Variants in BEND2 observed in about 807,000 individuals in gnomAD.
The protein encoded by BEND2 is BEN domain containing 2.
BEND2 carries 19 observed loss-of-function variants against 43.8 expected under a neutral mutation model. The ratio of observed to expected loss-of-function variants is 0.43; its 90% CI spans 0.30 to 0.64. The LOEUF (loss-of-function observed/expected upper bound fraction) is 0.64, where lower values mean the gene tolerates loss of function less well. BEND2 is among the 30% of genes least tolerant of loss of function. The pLI is 0.11. For missense variants in BEND2, 544 were observed against 574.0 expected, an observed-to-expected ratio of 0.95 and a Z score of 0.53; for synonymous variants, 226 against 210.1, an observed-to-expected ratio of 1.08 and a Z score of -0.66.
At position 18,220,526 on chromosome X, in the gene BEND2, C is replaced by T. The variant is rs756582291; in HGVS notation, c.25+200G>A. 3.7e-4 allele frequency among the ~76,000 whole-genome samples: 41 copies of T among 111,851 alleles called. 1 individual carries two copies. The highest frequency in any genetic ancestry group is 2.8e-4 in the Admixed American group (3 of 10,628). ...GACCTGAACCCTGGGCCATCTCGGT[C>T]CACCACGCCAAATTTCCCACCGGCG... On this transcript the variant is annotated intron_variant, in intron 1 of 13. Coordinates refer to ENST00000380033, the MANE Select transcript of BEND2 (RefSeq NM_153346.5).
rs1001506751 is a variant in BEND2 at position 18,163,616 on chromosome X, T to A, written c.*1393A>T. 2 of 112,249 alleles carry A rather than the reference T, an allele frequency of 1.8e-5. No individual in the cohort carries two copies. Among genetic ancestry groups the A allele is most frequent in the Non-Finnish European group, 3.8e-5 (2 of 53,283 alleles). The allele number at this position is 112,249 out of a possible 1,213,427, so 9.3% of individuals were successfully genotyped here. Reference sequence around the variant, plus strand: ...AAGTTAGCAATAGAAGTCTTGAAATTTTTTTCTAAATGTAAAGTTTTGTTT... The same window carrying A: ...AAGTTAGCAATAGAAGTCTTGAAATATTTTTCTAAATGTAAAGTTTTGTTT... On this transcript the variant is annotated 3_prime_UTR_variant, in exon 14 of 14. Coordinates refer to ENST00000380033, the MANE Select transcript of BEND2 (RefSeq NM_153346.5).
rs1168193461 is a variant in BEND2, at chrX:18,163,610, T to G, written c.*1399A>C. On this transcript the variant is annotated 3_prime_UTR_variant, in exon 14 of 14. Coordinates refer to ENST00000380033, the MANE Select transcript of BEND2 (RefSeq NM_153346.5). ...GTAATAAAGTTAGCAATAGAAGTCT[T>G]GAAATTTTTTTCTAAATGTAAAGTT... The G allele has an allele frequency of 8.9e-6, 1 of 112,315 alleles. No individual in the cohort carries two copies. Among genetic ancestry groups the G allele is most frequent in the East Asian group, 2.8e-4 (1 of 3,598 alleles). The allele number at this position is 112,315 out of a possible 1,213,427, so 9.3% of individuals were successfully genotyped here.
rs146584565 is a variant in BEND2 at position 18,196,479 on chromosome X, T to C, written c.1034-1037A>G. Among the ~76,000 whole-genome samples, 1,033 of 110,334 alleles carry C rather than the reference T, an allele frequency of 9.4e-3. 14 individuals carry two copies. Among genetic ancestry groups the C allele is most frequent in the African/African-American group, 0.031 (952 of 30,395 alleles). Reference sequence around the variant, plus strand: ...GCTCTTGACATTCATGACAGACAAATGAAAACTTATATTTATCCAAAAACC... The same window carrying C: ...GCTCTTGACATTCATGACAGACAAACGAAAACTTATATTTATCCAAAAACC... On this transcript the variant is annotated intron_variant, in intron 6 of 13. Coordinates refer to ENST00000380033, the MANE Select transcript of BEND2 (RefSeq NM_153346.5).
rs139742941 is a variant in BEND2 at position 18,175,511 on chromosome X, G to A, written c.1752+461C>T. Among the ~76,000 whole-genome samples, 520 of 111,917 alleles carry A rather than the reference G, an allele frequency of 4.6e-3. 6 individuals carry two copies. Among genetic ancestry groups the A allele is most frequent in the African/African-American group, 0.015 (463 of 30,842 alleles). ...TATGGAGTGTAAAATATCTGTAATC[G>A]TTTAACGTCATGACATGAGTTTATT... On this transcript the variant is annotated intron_variant, in intron 11 of 13. Transcript: ENST00000380033.
chrX:18,210,490 T>C (rs755867268), intron 4 of BEND2, among the ~76,000 whole-genome samples: 15 of 112,221 alleles, frequency 1.3e-4, no homozygotes, highest in Non-Finnish European at 2.4e-4. Context: ...GGAAAAGATA[T>C]ATTTGCAGAA....
chrX:18,217,045 A>G (rs777840792), intron 1 of BEND2, among the ~76,000 whole-genome samples: 3 of 112,853 alleles, frequency 2.7e-5, no homozygotes, highest in Non-Finnish European at 5.6e-5. Flanking sequence ...ACAGTGTTCA[A>G]TGATATGCTT....
At chrX:18,179,464 G>A (rs895219968) in intron 9 of BEND2, among the ~76,000 whole-genome samples, 11 of 110,507 alleles carry the variant, frequency 1.0e-4, no homozygotes, top group African/African-American at 2.0e-4. Context: ...GTGCCCAGCC[G>A]AGACCACAAT....
intron 4 of BEND2, among the ~76,000 whole-genome samples, chrX:18,209,071 T>A: frequency 8.9e-6 from 1 of 111,763 alleles, no homozygotes; most frequent in Non-Finnish European, 1.9e-5. Flanking sequence ...GGGAATCAAC[T>A]GAAGGAGCTC....
chrX:18,176,136 T>G (rs746045492), intron 10 of BEND2, 43 bp from the exon 11 acceptor site: 33 of 1,145,222 alleles, frequency 2.9e-5, no homozygotes, highest in Non-Finnish European at 2.3e-5. Context: ...GAAAAAAAAA[T>G]TAACAAACTA....
At chrX:18,179,732 A>C (rs752834411) in intron 9 of BEND2, among the ~76,000 whole-genome samples, 1 of 112,393 alleles carries the variant, frequency 8.9e-6, no homozygotes, top group Non-Finnish European at 1.9e-5. Flanking sequence ...TTGTTCTAGG[A>C]TATTAATAAG....
At chrX:18,212,933 A>G (rs1340128472) in intron 3 of BEND2, among the ~76,000 whole-genome samples, 1 of 112,446 alleles carries the variant, frequency 8.9e-6, no homozygotes, top group African/African-American at 3.2e-5. Context: ...AATAACTTAA[A>G]GCCTACATAG....
chrX:18,209,332 T>C (rs1925436741), intron 4 of BEND2, among the ~76,000 whole-genome samples: 1 of 111,444 alleles, frequency 9.0e-6, no homozygotes, highest in Non-Finnish European at 1.9e-5. Flanking sequence ...GTAAAATCCA[T>C]GCATGGATAC....
chrX:18,184,171 T>C (rs898204087), intron 8 of BEND2, among the ~76,000 whole-genome samples: 13 of 111,196 alleles, frequency 1.2e-4, no homozygotes, highest in Admixed American at 1.1e-3. Context: ...AGACAGAGAC[T>C]CCTTTGTTTG....
chrX:18,200,141 C>T (rs1317425330), intron 6 of BEND2, among the ~76,000 whole-genome samples: 1 of 111,762 alleles, frequency 8.9e-6, no homozygotes, highest in Non-Finnish European at 1.9e-5. Flanking sequence ...CAATTTGATG[C>T]CTTTTCAATG....
In BEND2 at chrX:18,164,899, A is replaced by G; in HGVS notation, c.*110T>C. The stretch of plus-strand genomic sequence containing the variant: ...AGGTTTGGCGATTACTACAGGTGTC[A>G]ATGCAAACTACTCTGCCAGTACAGC... On this transcript the variant is annotated 3_prime_UTR_variant, in exon 14 of 14. Transcript: ENST00000380033. The G allele has an allele frequency of 2.5e-6, 2 of 802,263 alleles. No homozygotes were observed. The highest frequency in any genetic ancestry group is 3.5e-6 in the Non-Finnish European group (2 of 564,666). 66.1% of individuals were successfully genotyped at this position (802,263 alleles called of 1,213,427 possible).
chrX:18,218,973 T>G (rs1925758321), intron 1 of BEND2, among the ~76,000 whole-genome samples: 1 of 112,494 alleles, frequency 8.9e-6, no homozygotes, highest in Non-Finnish European at 1.9e-5. Flanking sequence ...CAGCTCACAA[T>G]GAGTTCTGAA....
At chrX:18,205,200 C>T (rs762282976) in intron 4 of BEND2, among the ~76,000 whole-genome samples, 2 of 110,913 alleles carry the variant, frequency 1.8e-5, no homozygotes, top group Admixed American at 9.6e-5. Context: ...TTCATTCATT[C>T]AACTAAACCT....
At chrX:18,180,352 C>T (rs1181166605) in intron 9 of BEND2, among the ~76,000 whole-genome samples, 158 bp downstream of exon 9, 4 of 112,415 alleles carry the variant, frequency 3.6e-5, no homozygotes, top group Middle Eastern at 4.2e-3. Flanking sequence ...GTGCCTTGCA[C>T]GTAATATGCA....
Position 18,165,226 on chromosome X carries a change from GA to G in BEND2, c.2186-4del. On this transcript the variant is annotated splice_region_variant and splice_polypyrimidine_tract_variant and intron_variant, in intron 13 of 13. Transcript: ENST00000380033. ...TGGGTAGTTTTCTTGGAGGAACTCT[GA>G]TGGTAAAGACCCAAGACATAACAGT... The G allele has an allele frequency of 8.4e-7, 1 of 1,186,713 alleles. No individual in the cohort carries two copies. Among genetic ancestry groups the G allele is most frequent in the Non-Finnish European group, 1.1e-6 (1 of 873,827 alleles).
Sources: gnomAD v4.1 joint callset for allele counts (sites outside exome capture counted in the v4.1 genomes callset) on GRCh38, gnomAD v4.1.1 for gene constraint, MANE v1.5 for transcripts, NCBI Gene and HGNC (gene_info 2026-07-23, HGNC 2026-07-21) for gene names.